The following SAMD12 variants were observed in gnomAD, a reference collection of about 807,000 sequenced individuals.
The protein encoded by SAMD12 is sterile alpha motif domain-containing protein 12.
Under a neutral mutation model 15.0 loss-of-function variants are expected in SAMD12, and 9 were observed. That is an observed-to-expected ratio of 0.60 (90% CI 0.36 to 1.05). The LOEUF (loss-of-function observed/expected upper bound fraction) is 1.05. Ranked by LOEUF, SAMD12 falls within the 50% of genes least tolerant of loss-of-function variation. The pLI, the probability that SAMD12 is intolerant of heterozygous loss-of-function variation, is 0.01. For synonymous variants in SAMD12, 86 were observed against 90.1 expected, an observed-to-expected ratio of 0.96 and a Z score of 0.25; for missense variants, 230 against 234.2, an observed-to-expected ratio of 0.98 and a Z score of 0.12.
Position 118,520,546 on chromosome 8 carries a change from T to C in SAMD12, c.192+60169A>G, listed in dbSNP as rs967470278. Among the ~76,000 whole-genome samples, 26 of 152,290 alleles carry C rather than the reference T, an allele frequency of 1.7e-4. 1 individual carries two copies. Among genetic ancestry groups the C allele is most frequent in the Admixed American group, 1.7e-3 (26 of 15,298 alleles). ...ATGCTGATACATTTCACCCAAGGAA[T>C]GTACATGAATTAACTGTTTCTGAAA... On this transcript the variant is annotated intron_variant, in intron 2 of 3. Transcript: ENST00000314727.
chr8:118,276,549 T>C (rs563540599), intron 4 of SAMD12, among the ~76,000 whole-genome samples: 55 of 152,352 alleles, frequency 3.6e-4, no homozygotes, highest in African/African-American at 1.3e-3. Context: ...GTTAATCTGG[T>C]TTGACAACTT....
At chr8:118,527,900 T>C (rs532281745) in intron 2 of SAMD12, among the ~76,000 whole-genome samples, 8 of 152,354 alleles carry the variant, frequency 5.3e-5, no homozygotes, top group Non-Finnish European at 1.0e-4. Context: ...CACTGACTGG[T>C]ATATCTTTCC....
chr8:118,138,611 T>G, the SAMD12 span, among the ~76,000 whole-genome samples: 1 of 152,232 alleles, frequency 6.6e-6, no homozygotes, highest in Non-Finnish European at 1.5e-5. Flanking sequence ...TTCTCTTGTT[T>G]GTAAGCCAAC....
intron 4 of SAMD12, among the ~76,000 whole-genome samples, chr8:118,319,440 T>C (rs1240688862): frequency 1.1e-4 from 16 of 152,182 alleles, no homozygotes; most frequent in Admixed American, 1.0e-3. Flanking sequence ...GACTTGTTTT[T>C]CAACATGCTC....
At chr8:118,519,450 T>G (rs1261738058) in intron 2 of SAMD12, among the ~76,000 whole-genome samples, 1 of 152,220 alleles carries the variant, frequency 6.6e-6, no homozygotes, top group African/African-American at 2.4e-5. Flanking sequence ...GCTGACAATC[T>G]TATATTTTTT....
chr8:118,197,072 T>A (rs542882016), exon 5 of SAMD12: 1 of 151,804 alleles, frequency 6.6e-6, no homozygotes, highest in African/African-American at 2.4e-5. Context: ...TCTTGGACAG[T>A]CTGAGCCGGA....
At chr8:118,268,018 G>A (rs1813249908) in intron 4 of SAMD12, among the ~76,000 whole-genome samples, 2 of 152,178 alleles carry the variant, frequency 1.3e-5, no homozygotes, top group Admixed American at 6.5e-5. Flanking sequence ...CTTGAACTAA[G>A]GAGGCAGAGG....
the SAMD12 span, among the ~76,000 whole-genome samples, chr8:118,166,178 G>A: frequency 2.6e-5 from 4 of 151,966 alleles, no homozygotes; most frequent in South Asian, 2.1e-4. Context: ...TCACTTGCTC[G>A]TCCTGGTCAA....
Position 118,284,803 on chromosome 8 carries a change from G to A in SAMD12, c.434-87071C>T, listed in dbSNP as rs180766586. The A allele has an allele frequency of 5.3e-4, 83 of 156,868 alleles. No individual in the cohort carries two copies. In the East Asian group the frequency reaches 0.012, roughly 22 times the overall value. 9.7% of individuals were successfully genotyped at this position (156,868 alleles called of 1,614,324 possible). On this transcript the variant is annotated intron_variant, in intron 4 of 4. Transcript: ENST00000409003. The stretch of plus-strand genomic sequence containing the variant: ...TAAAAATACAAAAAATTAGCCAGGC[G>A]TGGTGGCGGGCGCCCGCAGTCCCAG...
At chr8:118,407,363 G>T (rs1225593237) in intron 3 of SAMD12, among the ~76,000 whole-genome samples, 1 of 152,138 alleles carries the variant, frequency 6.6e-6, no homozygotes, top group African/African-American at 2.4e-5. Flanking sequence ...CATCCTAATG[G>T]CCATGAAGTG....
Position 118,366,871 on chromosome 8 carries a change from TAAAATAAAATAATAA to T in SAMD12, c.433+12674_433+12688del, listed in dbSNP as rs1422107091. Among the ~76,000 whole-genome samples, 269 of 115,408 alleles carry T rather than the reference TAAAATAAAATAATAA, an allele frequency of 2.3e-3. 10 individuals are homozygous for T. The highest frequency in any genetic ancestry group is 0.011 in the South Asian group (40 of 3,522). 75.7% of individuals were successfully genotyped at this position (115,408 alleles called of 152,430 possible). On this transcript the variant is annotated intron_variant, in intron 4 of 4. Coordinates refer to the SAMD12 transcript ENST00000409003. ...TAAAATAAAATAAAATAAAATAAAATAAAATAAAATAATAAAATAAAATAAAATAAAATAAAATAA... is the reference window on the plus strand; with the variant it reads ...TAAAATAAAATAAAATAAAATAAAATAATAAAATAAAATAAAATAAAATAA...
chr8:118,340,487 T>C (rs1433198143), intron 4 of SAMD12, among the ~76,000 whole-genome samples: 2 of 152,154 alleles, frequency 1.3e-5, no homozygotes, highest in Non-Finnish European at 2.9e-5. Context: ...TTTAATTCCC[T>C]GCCAGGCGCA....
Position 118,439,861 on chromosome 8 carries a change from C to T in SAMD12, c.293G>A (p.Ser98Asn), listed in dbSNP as rs1239560075. 2 of 1,613,536 alleles carry T rather than the reference C, an allele frequency of 1.2e-6. No individual in the cohort carries two copies. Among genetic ancestry groups the T allele is most frequent in the South Asian group, 2.2e-5 (2 of 91,064 alleles). ...TATGTCATGCTGTTTGAATGACTCA[C>T]TGTAGATCTGATACTGATTCGGACA... ...KHCPNQYQIY[S>N]ESFKQHDITG... The change falls in exon 3 of 4, where the codon AGT becomes AAT. Residue 98 changes from serine to asparagine, a missense_variant. Transcript: ENST00000314727.
downstream of SAMD12, among the ~76,000 whole-genome samples, chr8:118,373,550 A>G (rs1819217129): frequency 6.6e-6 from 1 of 152,204 alleles, no homozygotes; most frequent in Admixed American, 6.6e-5. Flanking sequence ...AGCTTTGGGA[A>G]AGTCCATCTG....
exon 5 of SAMD12, chr8:118,197,694 G>A (rs1178965981): frequency 1.2e-6 from 2 of 1,610,922 alleles, no homozygotes; most frequent in Admixed American, 1.7e-5. Flanking sequence ...ACAGCAGCTT[G>A]GAAGGCTAAC....
At chr8:118,564,344 A>G (rs1465319892) in intron 2 of SAMD12, among the ~76,000 whole-genome samples, 2 of 152,190 alleles carry the variant, frequency 1.3e-5, no homozygotes, top group Non-Finnish European at 2.9e-5. Flanking sequence ...GAAAGCAAGA[A>G]CCACATGAAA....
At chr8:118,604,806 C>T (rs1827946696) in intron 1 of SAMD12, among the ~76,000 whole-genome samples, 2 of 152,080 alleles carry the variant, frequency 1.3e-5, no homozygotes, top group South Asian at 2.1e-4. Flanking sequence ...CCTGTAGTCC[C>T]AGCTACTGGG....
the SAMD12 span, among the ~76,000 whole-genome samples, chr8:118,141,918 A>G: frequency 6.6e-6 from 1 of 152,194 alleles, no homozygotes; most frequent in Non-Finnish European, 1.5e-5. Flanking sequence ...TAGTTTCTAG[A>G]AAATTTTGGA....
chr8:118,587,353 T>A (rs1194252809), intron 1 of SAMD12, among the ~76,000 whole-genome samples: 1 of 152,208 alleles, frequency 6.6e-6, no homozygotes, highest in African/African-American at 2.4e-5. Flanking sequence ...GAGACTACCC[T>A]CAAGAAGTAA....
Sources: gnomAD v4.1 joint callset for allele counts (sites outside exome capture counted in the v4.1 genomes callset) on GRCh38, gnomAD v4.1.1 for gene constraint, MANE v1.5 for transcripts, NCBI Gene and HGNC (gene_info 2026-07-23, HGNC 2026-07-21) for gene names.